The following CYP2W1 variants were observed in gnomAD, a reference collection of about 807,000 sequenced individuals.
CYP2W1 encodes cytochrome P450 2W1.
A neutral mutation model predicts 44.9 loss-of-function variants in CYP2W1; 51 were observed. The ratio of observed to expected loss-of-function variants is 1.14; its 90% CI spans 0.91 to 1.43. The LOEUF is 1.43. Among genes scored for constraint, CYP2W1 ranks in the 40% most tolerant of loss-of-function variants. The pLI is 0.00. For missense variants in CYP2W1, 746 were observed against 700.0 expected (o/e 1.07, Z -0.74); for synonymous variants, 383 against 338.3 (o/e 1.13, Z -1.45).
intron 2 of CYP2W1, 78 bp from the exon 3 acceptor site, chr7:984,872 C>G: frequency 6.6e-7 from 1 of 1,505,414 alleles, no homozygotes; most frequent in African/African-American, 1.4e-5. Flanking sequence ...TGTCAGCCTG[C>G]TCACTTCCTG....
intron 5 of CYP2W1, 36 bp from the exon 6 acceptor site, chr7:987,071 A>T: frequency 6.8e-7 from 1 of 1,473,842 alleles, no homozygotes; most frequent in Non-Finnish European, 9.0e-7. Flanking sequence ...GACAGACCCC[A>T]GATCATCCCA....
At position 987,264 on chromosome 7, in the gene CYP2W1, G is replaced by T. The variant is rs1213166163; in HGVS notation, c.958+19G>T. 6.6e-7 allele frequency: 1 copy of T among 1,506,402 alleles called. No homozygotes were observed. Among genetic ancestry groups the T allele is most frequent in the African/African-American group, 1.4e-5 (1 of 72,392 alleles). The allele number at this position is 1,506,402 out of a possible 1,614,324, so 93.3% of individuals were successfully genotyped here. ...GTGCAGGGTGAGACCCCGGCGCCTG[G>T]CGAGACGGCTCCTTCTGCCCCCGGG... On this transcript the variant is annotated intron_variant, in intron 6 of 8. Coordinates refer to ENST00000308919, the MANE Select transcript of CYP2W1 (RefSeq NM_017781.3).
chr7:987,858 C>T lies in CYP2W1; in HGVS notation c.1143+327C>T, dbSNP rs115599114. Among the ~76,000 whole-genome samples the T allele has an allele frequency of 2.4e-3, 362 of 151,488 alleles. 2 individuals carry two copies. The highest frequency in any genetic ancestry group is 8.4e-3 in the African/African-American group (347 of 41,206). ...CCCCTCTGTATCCTGGGGGGGTCCC[C>T]TCTGTGTGTCCTGGGGATCCCCTGT... On this transcript the variant is annotated intron_variant, in intron 7 of 8. Coordinates refer to ENST00000308919, the MANE Select transcript of CYP2W1 (RefSeq NM_017781.3).
In CYP2W1 at chr7:987,248, G is replaced by A. The variant is rs1426481621; in HGVS notation, c.958+3G>A. On this transcript the variant is annotated splice_donor_region_variant and intron_variant, in intron 6 of 8. Transcript: ENST00000308919. ...GGGCCGGCACCCGGACGTGCAGGGTGAGACCCCGGCGCCTGGCGAGACGGC... is the reference window on the plus strand; with the variant it reads ...GGGCCGGCACCCGGACGTGCAGGGTAAGACCCCGGCGCCTGGCGAGACGGC... 3 of 1,518,662 alleles carry A rather than the reference G, an allele frequency of 2.0e-6. No individual in the cohort carries two copies. Among genetic ancestry groups the A allele is most frequent in the Middle Eastern group, 1.8e-4 (1 of 5,492 alleles). 94.1% of individuals were successfully genotyped at this position (1,518,662 alleles called of 1,614,324 possible).
chr7:987,112 T>C lies in CYP2W1; in HGVS notation c.825T>C (p.Asp275=). Residue 275 remains aspartate (D), a synonymous_variant, in exon 6 of 9, where the codon GAT becomes GAC. Transcript: ENST00000308919. ...VDALIQQGQG[D]DPEGLFAEAN... is the part of the protein sequence containing the mutation. ...CCTGCCCCACGCCTCTGCAGGGGGA[T>C]GACCCCGAGGGCCTGTTTGCTGAGG... 1 of 1,549,138 alleles carries C rather than the reference T, an allele frequency of 6.5e-7. No individual in the cohort carries two copies. The highest frequency in any genetic ancestry group is 1.2e-5 in the South Asian group (1 of 83,094).
At chr7:986,887 T>C in intron 5 of CYP2W1, 90 bp downstream of exon 5, 1 of 1,386,034 alleles carries the variant, frequency 7.2e-7, no homozygotes, top group African/African-American at 1.5e-5. Context: ...TCCATACCGG[T>C]CCTGCACCAA....
In CYP2W1 at chr7:985,113, C is replaced by G; in HGVS notation, c.487+14C>G. On this transcript the variant is annotated intron_variant, in intron 3 of 8. Coordinates refer to ENST00000308919, the MANE Select transcript of CYP2W1 (RefSeq NM_017781.3). ...ATGGCTACAGAGGTGAGCAGGGGGCCGGGGACGCCCCTCCCCGGGCCTGGA... is the reference window on the plus strand; with the variant it reads ...ATGGCTACAGAGGTGAGCAGGGGGCGGGGGACGCCCCTCCCCGGGCCTGGA... 1 of 1,609,742 alleles carries G rather than the reference C, an allele frequency of 6.2e-7. No individual in the cohort carries two copies. Among genetic ancestry groups the G allele is most frequent in the Non-Finnish European group, 8.5e-7 (1 of 1,178,568 alleles).
intron 5 of CYP2W1, 81 bp downstream of exon 5, chr7:986,878 C>G: frequency 7.1e-7 from 1 of 1,401,756 alleles, no homozygotes; most frequent in Non-Finnish European, 9.4e-7. Context: ...GGGGAGGGGT[C>G]CATACCGGTC....
In CYP2W1 at chr7:984,498, G is replaced by A; in HGVS notation, c.261G>A (p.Glu87=). 1 of 1,552,438 alleles carries A rather than the reference G, an allele frequency of 6.4e-7. No homozygotes were observed. The highest frequency in any genetic ancestry group is 8.7e-7 in the Non-Finnish European group (1 of 1,148,846). Residue 87 remains glutamate (E), a synonymous_variant, in exon 2 of 9, where the codon GAG becomes GAA. Transcript: ENST00000308919. ...TGACGGGGTTCGAGGCGGTCAAAGA[G>A]GCGCTGGCGGGCCCCGGGCAGGAGC... is the stretch of plus-strand genomic sequence containing the variant. The part of the protein sequence containing the change: ...VVLTGFEAVK[E]ALAGPGQELA...
intron 4 of CYP2W1, among the ~76,000 whole-genome samples, chr7:986,115 C>T (rs965521494): frequency 5.3e-5 from 8 of 152,184 alleles, no homozygotes; most frequent in Non-Finnish European, 1.2e-4. Flanking sequence ...CAGCTCCTTA[C>T]CACAGAGACG....
chr7:987,397 C>T lies in CYP2W1; in HGVS notation c.1009C>T (p.Arg337Trp), dbSNP rs200372185. ...CGTGCTGGGCCCTGGGCGGACTCCC[C>T]GGCTGGAGGACCAGCAGGCTCTGCC... ...DRVLGPGRTP[R>W]LEDQQALPYT... The change falls in exon 7 of 9, where the codon CGG (arginine) becomes TGG (tryptophan). Residue 337 changes from arginine (R) to tryptophan (W), a missense_variant. Arg to Trp is a moderately radical substitution (Grantham distance 101). Transcript: ENST00000308919. The T allele has an allele frequency of 1.2e-4, 187 of 1,594,946 alleles. No individual in the cohort carries two copies. The highest frequency in any genetic ancestry group is 1.4e-4 in the Non-Finnish European group (167 of 1,177,806).
intron 4 of CYP2W1, among the ~76,000 whole-genome samples, chr7:985,933 G>A (rs1848308082): frequency 6.6e-6 from 1 of 152,122 alleles, no homozygotes; most frequent in African/African-American, 2.4e-5. Context: ...GGGTTCACAA[G>A]CGAGAGCAGG....
At chr7:987,596 G>A in intron 7 of CYP2W1, 65 bp downstream of exon 7, 1 of 1,401,800 alleles carries the variant, frequency 7.1e-7, no homozygotes, top group South Asian at 1.4e-5. Flanking sequence ...GGGTCCAGGG[G>A]CACTGGGACG....
chr7:984,884 C>G, intron 2 of CYP2W1, 66 bp from the exon 3 acceptor site: 1 of 1,522,664 alleles, frequency 6.6e-7, no homozygotes, highest in Middle Eastern at 2.4e-4. Context: ...CACTTCCTGC[C>G]CACTTGCCTG....
rs1316166958 is a variant in CYP2W1 at position 987,530 on chromosome 7, A to G, written c.1142A>G (p.Lys381Arg). ...DTQLGGFLLP[K>R]GTPVIPLLTS... ...CAGCTGGGCGGCTTCCTGCTCCCCA[A>G]GGTGGGGCTGGGCCTCCCTTGCCCC... is the stretch of plus-strand genomic sequence containing the variant. Residue 381 changes from lysine (K) to arginine (R), a missense_variant and splice_region_variant, in exon 7 of 9, where the codon AAG (lysine) becomes AGG (arginine). Lys to Arg is a conservative substitution (Grantham distance 26). Transcript: ENST00000308919. 1.3e-6 allele frequency: 2 copies of G among 1,519,118 alleles called. No homozygotes were observed. The highest frequency in any genetic ancestry group is 3.9e-5 in the Admixed American group (2 of 50,728). 94.1% of individuals were successfully genotyped at this position (1,519,118 alleles called of 1,614,324 possible). A position where few individuals can be genotyped will look rare whatever the true frequency, so the allele number is the denominator to read the frequency against.
At position 987,455 on chromosome 7, in the gene CYP2W1, G is replaced by A. The variant is rs765293283; in HGVS notation, c.1067G>A (p.Arg356Gln). 5.1e-6 allele frequency: 8 copies of A among 1,575,618 alleles called. No homozygotes were observed. The highest frequency in any genetic ancestry group is 1.3e-5 in the African/African-American group (1 of 74,568). The change falls in exon 7 of 9, where the codon CGG becomes CAG. Residue 356 changes from arginine to glutamine, a missense_variant. Transcript: ENST00000308919. ...AGCGCCGTGCTCCACGAGGTGCAGC[G>A]GTTCATCACGCTCCTGCCGCACGTG... ...YTSAVLHEVQ[R>Q]FITLLPHVPR...
Position 983,349 on chromosome 7 carries a change from G to T in CYP2W1, c.138G>T (p.Leu46Phe). ...TGCCGCTCGTCGGGAACCTGCACTT[G>T]CTGCGTCTGTCGCAACAGGACCGGT... ...RPLPLVGNLH[L>F]LRLSQQDRSL... Residue 46 changes from leucine (L) to phenylalanine (F), a missense_variant, in exon 1 of 9, where the codon TTG becomes TTT. Physicochemically the swap from Leu to Phe is conservative, Grantham distance 22. Coordinates refer to ENST00000308919, the MANE Select transcript of CYP2W1 (RefSeq NM_017781.3). 6.5e-7 allele frequency: 1 copy of T among 1,537,600 alleles called. No homozygotes were observed.
At chr7:987,934 G>A (rs1457176073) in intron 7 of CYP2W1, among the ~76,000 whole-genome samples, 1 of 94,076 alleles carries the variant, frequency 1.1e-5, no homozygotes, top group Non-Finnish European at 2.0e-5. Context: ...TGTGTGTCCT[G>A]GGGGGGTCCC....
chr7:986,671 G>A lies in CYP2W1; in HGVS notation c.693G>A (p.Arg231=). ...PWLGALLQLH[R]PVLRKIEEVR... is the part of the protein sequence containing the mutation. The stretch of plus-strand genomic sequence containing the variant: ...TCGGGGCCCTGCTCCAGCTGCACCG[G>A]CCCGTCCTGCGCAAGATCGAGGAGG... Residue 231 remains arginine, a synonymous_variant, in exon 5 of 9, where the codon CGG becomes CGA. Transcript: ENST00000308919. The A allele has an allele frequency of 6.2e-7, 1 of 1,612,668 alleles. No individual in the cohort carries two copies. The highest frequency in any genetic ancestry group is 1.1e-5 in the South Asian group (1 of 91,074).
Sources: allele counts gnomAD v4.1 joint callset (sites outside exome capture counted in the v4.1 genomes callset), GRCh38; gene constraint gnomAD v4.1.1; transcripts MANE v1.5; gene names NCBI Gene and HGNC (gene_info 2026-07-23, HGNC 2026-07-21).